RIPK1: variants seen among roughly 807,000 people sequenced by gnomAD.
The protein encoded by RIPK1 is receptor interacting serine/threonine kinase 1.
In RIPK1, 27 loss-of-function variants were observed where a neutral mutation model predicts 62.4. The ratio of observed to expected loss-of-function variants is 0.43; its 90% CI spans 0.32 to 0.60. The LOEUF is 0.60. RIPK1 is among the 20% of genes least tolerant of loss of function. The pLI is 0.07. For synonymous variants in RIPK1, 287 were observed against 303.2 expected, an observed-to-expected ratio of 0.95 and a Z score of 0.55; for missense variants, 735 against 831.0, an observed-to-expected ratio of 0.88 and a Z score of 1.42.
In RIPK1 at chr6:3,109,714, C is replaced by T. The variant is rs901182836; in HGVS notation, c.1577-1089C>T. On this transcript the variant is annotated intron_variant, in intron 9 of 10. Coordinates refer to ENST00000259808, the MANE Select transcript of RIPK1 (RefSeq NM_001354930.2). ...ATCTAACATTCACAGTGTTATGCAA[C>T]CATCACCACCATCTATCTATATAAC... Among the ~76,000 whole-genome samples, 6 of 152,270 alleles carry T rather than the reference C, an allele frequency of 3.9e-5. No individual in the cohort carries two copies. The East Asian group carries it at 7.7e-4, about 20-fold the overall frequency.
intron 7 of RIPK1, among the ~76,000 whole-genome samples, chr6:3,096,550 GTTTTTTTT>G (rs112979664): frequency 6.1e-5 from 6 of 98,448 alleles, no homozygotes; most frequent in African/African-American, 2.4e-4. Context: ...AATATCTCAA[GTTTTTTTT>G]TTTTTTTTTT....
intron 9 of RIPK1, 66 bp from the exon 10 acceptor site, chr6:3,110,737 C>T: frequency 2.0e-6 from 2 of 1,002,218 alleles, no homozygotes; most frequent in East Asian, 2.6e-5. Flanking sequence ...GCTTTTTTGC[C>T]ATGCTGTATT....
At chr6:3,067,073 T>G (rs998886707), upstream of RIPK1, among the ~76,000 whole-genome samples, 18 of 149,964 alleles carry the variant, frequency 1.2e-4, no homozygotes, top group East Asian at 3.9e-4. Context: ...TTTTTTTTTT[T>G]TGTGGCTTCA....
At chr6:3,067,495 G>A (rs919804101), upstream of RIPK1, among the ~76,000 whole-genome samples, 1 of 151,986 alleles carries the variant, frequency 6.6e-6, no homozygotes, top group Admixed American at 6.6e-5. Context: ...ACATGATGTT[G>A]AGCATCTTTT....
chr6:3,071,430 C>T (rs1321146057), intron 1 of RIPK1, among the ~76,000 whole-genome samples: 1 of 152,178 alleles, frequency 6.6e-6, no homozygotes, highest in East Asian at 1.9e-4. Context: ...TTTACAAATT[C>T]CTTCAAATGG....
chr6:3,078,003 T>G, intron 3 of RIPK1, 68 bp downstream of exon 3: 1 of 1,508,694 alleles, frequency 6.6e-7, no homozygotes, highest in Non-Finnish European at 9.0e-7. Context: ...TGGCTCCCCT[T>G]GGGGTGTTTG....
At chr6:3,066,285 A>G (rs1758376939), upstream of RIPK1, among the ~76,000 whole-genome samples, 1 of 152,178 alleles carries the variant, frequency 6.6e-6, no homozygotes, top group African/African-American at 2.4e-5. Context: ...TGGCCTCCCA[A>G]AGTGCTAGGA....
chr6:3,070,379 T>C (rs1758647333), intron 1 of RIPK1, among the ~76,000 whole-genome samples: 1 of 152,178 alleles, frequency 6.6e-6, no homozygotes, highest in South Asian at 2.1e-4. Flanking sequence ...GCAAAAAAGG[T>C]TGACTGTATT....
At chr6:3,069,059 C>T (rs571867567) in intron 1 of RIPK1, among the ~76,000 whole-genome samples, 2 of 152,314 alleles carry the variant, frequency 1.3e-5, no homozygotes, top group South Asian at 2.1e-4. Context: ...GCCTCTGTGC[C>T]AGAGGTCGGG....
chr6:3,102,875 C>T (rs1334005484), intron 7 of RIPK1, among the ~76,000 whole-genome samples: 1 of 152,138 alleles, frequency 6.6e-6, no homozygotes, highest in Non-Finnish European at 1.5e-5. Flanking sequence ...GGATTACAGG[C>T]GTGAGCTCCC....
At chr6:3,084,160 CCCT>C (rs10565418) in intron 5 of RIPK1, among the ~76,000 whole-genome samples, 15,304 of 152,088 alleles carry the variant, frequency 0.1, 1,503 homozygotes, top group African/African-American at 0.26. Flanking sequence ...TCAGTTCAAA[CCCT>C]CCTCGTTTCT....
chr6:3,109,315 C>G (rs746674533), intron 9 of RIPK1, among the ~76,000 whole-genome samples: 1 of 152,020 alleles, frequency 6.6e-6, no homozygotes, highest in Admixed American at 6.6e-5. Flanking sequence ...CAGGGAGAAG[C>G]ACGTGGGGAG....
intron 7 of RIPK1, 25 bp downstream of exon 7, chr6:3,089,682 A>G: frequency 8.2e-7 from 1 of 1,222,844 alleles, no homozygotes; most frequent in Non-Finnish European, 1.2e-6. Flanking sequence ...AGATGCTCAA[A>G]ATATTAACAT....
At chr6:3,081,516 G>C (rs559890745) in intron 4 of RIPK1, among the ~76,000 whole-genome samples, 1 of 152,254 alleles carries the variant, frequency 6.6e-6, no homozygotes, top group East Asian at 1.9e-4. Context: ...GAAATGCAGG[G>C]GAATGTGAAG....
chr6:3,077,513 G>A (rs1357294897), intron 2 of RIPK1, among the ~76,000 whole-genome samples: 1 of 151,190 alleles, frequency 6.6e-6, no homozygotes, highest in Non-Finnish European at 1.5e-5. Context: ...TTACCTTGCT[G>A]CTGTTCATGT....
intron 1 of RIPK1, among the ~76,000 whole-genome samples, chr6:3,074,267 G>A (rs753967305): frequency 3.3e-5 from 5 of 152,306 alleles, no homozygotes; most frequent in South Asian, 2.1e-4. Context: ...CTTCTGAACC[G>A]TCATATAAAT....
chr6:3,081,292 G>A (rs1759367270), intron 4 of RIPK1, among the ~76,000 whole-genome samples, 176 bp downstream of exon 4: 2 of 152,234 alleles, frequency 1.3e-5, no homozygotes, highest in South Asian at 4.1e-4. Context: ...CAGGCTTGAT[G>A]GGATCAGGAG....
At chr6:3,110,764 G>T in intron 9 of RIPK1, 39 bp from the exon 10 acceptor site, 2 of 1,374,404 alleles carry the variant, frequency 1.5e-6, no homozygotes, top group South Asian at 2.6e-5. Context: ...TCTTGCTTTT[G>T]ATCTAGAATT....
rs765777049 is a variant in RIPK1 at position 3,083,325 on chromosome 6, C to T, written c.688+12C>T. 4.4e-6 allele frequency: 7 copies of T among 1,602,230 alleles called. No homozygotes were observed. Among genetic ancestry groups the T allele is most frequent in the East Asian group, 2.2e-5 (1 of 44,700 alleles). Reference sequence around the variant, plus strand: ...GGAGCCATATGAAAGTAAGGCATTACTTACTTTCCACTGCCGTCCCCTCAG... The same window carrying T: ...GGAGCCATATGAAAGTAAGGCATTATTTACTTTCCACTGCCGTCCCCTCAG... On this transcript the variant is annotated intron_variant, in intron 5 of 10. Transcript: ENST00000259808.
Sources: gnomAD v4.1 joint callset for allele counts (sites outside exome capture counted in the v4.1 genomes callset) on GRCh38, gnomAD v4.1.1 for gene constraint, MANE v1.5 for transcripts, NCBI Gene and HGNC (gene_info 2026-07-23, HGNC 2026-07-21) for gene names.